Variants in DLC1 observed in about 807,000 individuals in gnomAD.
The protein encoded by DLC1 is DLC1 Rho GTPase activating protein, also known as rho GTPase-activating protein 7.
Under a neutral mutation model 140.3 loss-of-function variants are expected in DLC1, and 54 were observed. The observed-to-expected ratio is 0.38, with a 90% CI of 0.31 to 0.48. The LOEUF is 0.48. DLC1 is among the 20% of genes least tolerant of loss of function. The pLI is 0.96. For missense variants in DLC1, 2,536 were observed against 1,907.0 expected (o/e 1.33, Z -6.14); for synonymous variants, 986 against 728.1 (o/e 1.35, Z -5.70).
chr8:13,253,423 T>C (rs1458312000), intron 5 of DLC1, among the ~76,000 whole-genome samples: 1 of 146,634 alleles, frequency 6.8e-6, no homozygotes, highest in African/African-American at 2.5e-5. Flanking sequence ...TCTAGAAAAA[T>C]ACATATTATG....
chr8:13,575,723 C>T (rs1363345526), intron 1 of DLC1, among the ~76,000 whole-genome samples: 1 of 152,162 alleles, frequency 6.6e-6, no homozygotes, highest in Non-Finnish European at 1.5e-5. Context: ...AGGCCTGTCA[C>T]CTGAAACTGG....
chr8:13,128,052 A>AC (rs1554580079), intron 5 of DLC1, among the ~76,000 whole-genome samples: 2 of 151,748 alleles, frequency 1.3e-5, no homozygotes, highest in African/African-American at 4.8e-5. Context: ...AAAAAAAAAA[A>AC]CCCCAAAAAA....
At chr8:13,254,715 G>C (rs1410171219) in intron 5 of DLC1, among the ~76,000 whole-genome samples, 1 of 143,902 alleles carries the variant, frequency 6.9e-6, no homozygotes, top group Non-Finnish European at 1.5e-5. Flanking sequence ...AAGGATATCT[G>C]AGAGTAGGGA....
chr8:13,367,684 T>A (rs1835549742), intron 4 of DLC1, among the ~76,000 whole-genome samples: 2 of 152,196 alleles, frequency 1.3e-5, no homozygotes, highest in East Asian at 3.9e-4. Context: ...TGAAATACTC[T>A]GTAGTAGAAG....
At chr8:13,154,982 C>G (rs1269869847) in intron 5 of DLC1, among the ~76,000 whole-genome samples, 2 of 152,002 alleles carry the variant, frequency 1.3e-5, no homozygotes, top group Admixed American at 1.3e-4. Flanking sequence ...AAAAGTGAAA[C>G]TTTCGTATAT....
At position 13,225,907 on chromosome 8, in the gene DLC1, G is replaced by A. The variant is rs150850165; in HGVS notation, c.1348+79362C>T. 3.0e-3 allele frequency among the ~76,000 whole-genome samples: 459 copies of A among 152,152 alleles called. 3 individuals are homozygous for A. The highest frequency in any genetic ancestry group is 9.3e-3 in the African/African-American group (386 of 41,524). On this transcript the variant is annotated intron_variant, in intron 5 of 17. Coordinates refer to ENST00000276297, the MANE Select transcript of DLC1 (RefSeq NM_182643.3). ...TGGGATTACAGGCGTGAGCCACCGC[G>A]CCTGGCCTATTTTTTTATTTTTTGA... is the stretch of plus-strand genomic sequence containing the variant.
chr8:13,576,224 C>G (rs1804831376), intron 1 of DLC1, among the ~76,000 whole-genome samples: 1 of 152,158 alleles, frequency 6.6e-6, no homozygotes, highest in Admixed American at 6.5e-5. Flanking sequence ...GCTGTTCATT[C>G]ATTAAATCCC....
chr8:13,444,070 G>C (rs964957431), intron 2 of DLC1, among the ~76,000 whole-genome samples: 1 of 152,000 alleles, frequency 6.6e-6, no homozygotes, highest in Non-Finnish European at 1.5e-5. Flanking sequence ...AAATATTTCA[G>C]AATCATAAGC....
At chr8:13,151,491 G>A (rs1823808691) in intron 5 of DLC1, among the ~76,000 whole-genome samples, 1 of 152,192 alleles carries the variant, frequency 6.6e-6, no homozygotes, top group Non-Finnish European at 1.5e-5. Context: ...GCCTCTGTGT[G>A]TGCTTAAGTG....
At chr8:13,353,341 T>G (rs1834765543) in intron 4 of DLC1, 1 of 152,184 alleles carries the variant, frequency 6.6e-6, no homozygotes, top group Non-Finnish European at 1.5e-5. Context: ...TGTGTTTGAA[T>G]TCCTATAATA....
chr8:13,135,414 CTCG>C (rs1393229140), intron 5 of DLC1, among the ~76,000 whole-genome samples: 1 of 152,048 alleles, frequency 6.6e-6, no homozygotes, highest in African/African-American at 2.4e-5. Flanking sequence ...ATCTCCTGAC[CTCG>C]TGATCCGCCT....
chr8:13,539,185 G>GTGTATGTA lies in DLC1; in HGVS notation c.-125-38997_-125-38990dup, dbSNP rs375105687. On this transcript the variant is annotated intron_variant, in intron 1 of 1. Coordinates refer to the DLC1 transcript ENST00000631382. ...GTAGATCTGCAAATTGTATGTATGT[G>GTGTATGTA]TGTATGTATGTATGTATGTATGTAT... Among the ~76,000 whole-genome samples, 310 of 151,472 alleles carry GTGTATGTA rather than the reference G, an allele frequency of 2.0e-3. 1 individual carries two copies. Among genetic ancestry groups the GTGTATGTA allele is most frequent in the African/African-American group, 6.3e-3 (260 of 41,256 alleles).
intron 1 of DLC1, among the ~76,000 whole-genome samples, chr8:13,586,644 C>A (rs928349422): frequency 7.0e-6 from 1 of 143,718 alleles, no homozygotes; most frequent in Non-Finnish European, 1.5e-5. Context: ...TAAAATGAAA[C>A]ATGTAAGAAA....
At chr8:13,508,423 CT>C (rs11295861) in intron 1 of DLC1, among the ~76,000 whole-genome samples, 8,904 of 146,376 alleles carry the variant, frequency 0.061, 418 homozygotes, top group East Asian at 0.2. Flanking sequence ...ACTTCTTTTT[CT>C]TTTTTTTTTT....
intron 5 of DLC1, among the ~76,000 whole-genome samples, chr8:13,301,255 A>G (rs1832180169): frequency 6.6e-6 from 1 of 152,158 alleles, no homozygotes. Context: ...GGGAGGTTAA[A>G]ATGTGATCAC....
At chr8:13,602,923 T>A (rs1046718814) in intron 1 of DLC1, among the ~76,000 whole-genome samples, 1 of 151,892 alleles carries the variant, frequency 6.6e-6, no homozygotes, top group Non-Finnish European at 1.5e-5. Flanking sequence ...CAACATGTAG[T>A]GATAAAATAA....
intron 5 of DLC1, among the ~76,000 whole-genome samples, chr8:13,148,224 C>A (rs1001725801): frequency 8.6e-5 from 13 of 151,954 alleles, no homozygotes; most frequent in African/African-American, 3.1e-4. Context: ...CAGATTATTT[C>A]ATCACCCAGG....
At chr8:13,272,309 G>A (rs1044983978) in intron 5 of DLC1, among the ~76,000 whole-genome samples, 2 of 152,120 alleles carry the variant, frequency 1.3e-5, no homozygotes, top group Admixed American at 6.5e-5. Context: ...TTAGCCAGGC[G>A]AGGTGGTGGT....
At chr8:13,178,462 C>G (rs1320616230) in intron 5 of DLC1, among the ~76,000 whole-genome samples, 2 of 151,642 alleles carry the variant, frequency 1.3e-5, no homozygotes. Flanking sequence ...GTTCCACCTA[C>G]TCAGGAGGCT....
Sources: allele counts gnomAD v4.1 joint callset (sites outside exome capture counted in the v4.1 genomes callset), GRCh38; gene constraint gnomAD v4.1.1; transcripts MANE v1.5; gene names NCBI Gene and HGNC (gene_info 2026-07-23, HGNC 2026-07-21).